The following EXOC4 variants were observed in gnomAD, a reference collection of about 807,000 sequenced individuals.
EXOC4 encodes exocyst complex component 4.
A neutral mutation model predicts 107.2 loss-of-function variants in EXOC4; 71 were observed. That is an observed-to-expected ratio of 0.66 (90% CI 0.55 to 0.81). The LOEUF (loss-of-function observed/expected upper bound fraction) is 0.81, where lower values mean the gene tolerates loss of function less well. Ranked by LOEUF, EXOC4 falls within the 30% of genes least tolerant of loss-of-function variation. EXOC4 has a pLI of 0.00. For synonymous variants in EXOC4, 456 were observed against 441.2 expected, an observed-to-expected ratio of 1.03 and a Z score of -0.42; for missense variants, 1,108 against 1,189.6, an observed-to-expected ratio of 0.93 and a Z score of 1.01.
chr7:133,431,752 C>T (rs1323010594), intron 7 of EXOC4, among the ~76,000 whole-genome samples: 2 of 152,134 alleles, frequency 1.3e-5, no homozygotes, highest in East Asian at 1.9e-4. Flanking sequence ...GTTTATAGAC[C>T]GGACCCGTAA....
intron 17 of EXOC4, among the ~76,000 whole-genome samples, chr7:134,057,976 C>G (rs141093098): frequency 6.6e-6 from 1 of 152,190 alleles, no homozygotes. Flanking sequence ...ATTTACCTCA[C>G]TAAGTTGTTC....
intron 10 of EXOC4, among the ~76,000 whole-genome samples, chr7:133,769,257 T>TA (rs1796198796): frequency 6.6e-6 from 1 of 151,570 alleles, no homozygotes; most frequent in Non-Finnish European, 1.5e-5. Context: ...TAAAGTAAAA[T>TA]AAAAAATAAA....
At chr7:133,869,544 T>C (rs1798709241) in intron 11 of EXOC4, among the ~76,000 whole-genome samples, 1 of 152,206 alleles carries the variant, frequency 6.6e-6, no homozygotes, top group Non-Finnish European at 1.5e-5. Context: ...CTCCATAGCA[T>C]AGTGCATTCC....
At chr7:133,865,687 G>C (rs1798623138) in intron 11 of EXOC4, among the ~76,000 whole-genome samples, 1 of 152,156 alleles carries the variant, frequency 6.6e-6, no homozygotes. Context: ...GAAGGCGAAG[G>C]GGAAGCAGGC....
the EXOC4 span, among the ~76,000 whole-genome samples, chr7:134,071,618 T>C: frequency 6.6e-6 from 1 of 152,220 alleles, no homozygotes; most frequent in African/African-American, 2.4e-5. Context: ...AACATTGTTC[T>C]TGGGTGTATG....
intron 17 of EXOC4, among the ~76,000 whole-genome samples, chr7:134,009,124 T>C (rs1794711234): frequency 6.6e-6 from 1 of 152,344 alleles, no homozygotes; most frequent in South Asian, 2.1e-4. Flanking sequence ...TATTGCCGTT[T>C]ATACCTGAGT....
rs61548710 is a variant in EXOC4 at position 133,604,710 on chromosome 7, C to CTTTTTTTTT, written c.1418-25312_1418-25304dup. ...TCTTTCCTTCCTTCCTTCCTTCTTT[C>CTTTTTTTTT]TTTTTTTTTTTTTTTTTTTTTTTTT... On this transcript the variant is annotated intron_variant, in intron 9 of 17. Coordinates refer to ENST00000253861, the MANE Select transcript of EXOC4 (RefSeq NM_021807.4). Among the ~76,000 whole-genome samples, 69 of 50,270 alleles carry CTTTTTTTTT rather than the reference C, an allele frequency of 1.4e-3. 1 individual carries two copies. The highest frequency in any genetic ancestry group is 1.7e-3 in the Non-Finnish European group (49 of 28,986). 33.0% of individuals were successfully genotyped at this position (50,270 alleles called of 152,430 possible). A position where few individuals can be genotyped will look rare whatever the true frequency, so the allele number is the denominator to read the frequency against.
intron 9 of EXOC4, among the ~76,000 whole-genome samples, chr7:133,626,717 G>A (rs1036819839): frequency 6.6e-6 from 1 of 152,106 alleles, no homozygotes; most frequent in Admixed American, 6.6e-5. Flanking sequence ...CCCTGTCAAT[G>A]TGCATATATT....
At chr7:133,254,816 A>G (rs1016906643) in intron 1 of EXOC4, among the ~76,000 whole-genome samples, 5 of 152,142 alleles carry the variant, frequency 3.3e-5, no homozygotes, top group African/African-American at 1.2e-4. Context: ...ATGAAAGTGA[A>G]ATGTGTCATC....
At chr7:134,005,359 A>G (rs1393249325) in intron 16 of EXOC4, among the ~76,000 whole-genome samples, 1 of 152,206 alleles carries the variant, frequency 6.6e-6, no homozygotes, top group Admixed American at 6.5e-5. Context: ...ATTTGAGAGA[A>G]TGTGCAGACT....
Position 133,817,378 on chromosome 7 carries a change from C to G in EXOC4, c.1568C>G (p.Pro523Arg). 1 of 1,614,054 alleles carries G rather than the reference C, an allele frequency of 6.2e-7. No homozygotes were observed. Among genetic ancestry groups the G allele is most frequent in the Non-Finnish European group, 8.5e-7 (1 of 1,179,988 alleles). Reference protein sequence around the residue: ...ALGLGPAKQCPLREFLTVYIK... With the variant: ...ALGLGPAKQCRLREFLTVYIK... ...GGTCTTGGCCCAGCCAAACAGTGTCCTCTTCGAGAGTTTCTCACCGTGTAC... is the reference window on the plus strand; with the variant it reads ...GGTCTTGGCCCAGCCAAACAGTGTCGTCTTCGAGAGTTTCTCACCGTGTAC... The change falls in exon 11 of 18, where the codon CCT becomes CGT. Residue 523 changes from proline to arginine, a missense_variant. By Grantham distance (103) the Pro-to-Arg change is moderately radical. Coordinates refer to ENST00000253861, the MANE Select transcript of EXOC4 (RefSeq NM_021807.4).
chr7:133,908,594 C>T (rs1799620552), intron 12 of EXOC4, among the ~76,000 whole-genome samples: 1 of 152,190 alleles, frequency 6.6e-6, no homozygotes, highest in African/African-American at 2.4e-5. Flanking sequence ...CCTTCTGTGC[C>T]TCTGTATTTC....
chr7:133,450,511 TACTCATTCTCAAATGAGAGGA>T (rs1798317722), intron 7 of EXOC4, among the ~76,000 whole-genome samples: 1 of 152,174 alleles, frequency 6.6e-6, no homozygotes, highest in Non-Finnish European at 1.5e-5. Flanking sequence ...TTTCCCTGTT[TACTCATTCTCAAATGAGAGGA>T]AATCTACCTA....
rs138931556 is a variant in EXOC4, at chr7:133,332,366, C to T, written c.763+14976C>T. On this transcript the variant is annotated intron_variant, in intron 5 of 17. Coordinates refer to ENST00000253861, the MANE Select transcript of EXOC4 (RefSeq NM_021807.4). ...AATTTGGAGGCCGGGCACAGTGGCT[C>T]ATGCCTGTAATCCCAGCACTTTGAG... Among the ~76,000 whole-genome samples, 54 of 152,260 alleles carry T rather than the reference C, an allele frequency of 3.5e-4. 1 individual carries two copies. In the East Asian group the frequency reaches 0.01, roughly 29 times the overall value.
chr7:133,757,533 A>G (rs1204248792), intron 10 of EXOC4, among the ~76,000 whole-genome samples: 1 of 152,234 alleles, frequency 6.6e-6, no homozygotes, highest in Non-Finnish European at 1.5e-5. Context: ...AGAGAGGCCT[A>G]TGCCGTGGAA....
chr7:133,709,494 T>C (rs577616853), intron 10 of EXOC4, among the ~76,000 whole-genome samples: 1 of 152,282 alleles, frequency 6.6e-6, no homozygotes, highest in South Asian at 2.1e-4. Context: ...ATACATCTGA[T>C]CCAAGAGAAT....
intron 13 of EXOC4, among the ~76,000 whole-genome samples, chr7:133,922,939 G>T (rs376467868): frequency 5.9e-5 from 9 of 151,290 alleles, no homozygotes; most frequent in South Asian, 2.1e-4. Context: ...TCATCATTCT[G>T]CTGGGCTCTT....
At chr7:133,700,872 T>A (rs1330099426) in intron 10 of EXOC4, among the ~76,000 whole-genome samples, 3 of 152,098 alleles carry the variant, frequency 2.0e-5, no homozygotes, top group Non-Finnish European at 4.4e-5. Flanking sequence ...AGTTTAGTAG[T>A]GTCTGTTGTA....
intron 6 of EXOC4, among the ~76,000 whole-genome samples, chr7:133,367,035 T>C (rs1242380015): frequency 1.3e-5 from 2 of 151,874 alleles, no homozygotes; most frequent in Non-Finnish European, 2.9e-5. Flanking sequence ...GAGGTAAGGA[T>C]TTTTTGCTGG....
Sources: allele counts gnomAD v4.1 joint callset (sites outside exome capture counted in the v4.1 genomes callset), GRCh38; gene constraint gnomAD v4.1.1; transcripts MANE v1.5; gene names NCBI Gene and HGNC (gene_info 2026-07-23, HGNC 2026-07-21).